Variants in MYOF observed in about 807,000 individuals in gnomAD.
MYOF encodes the protein fer-1-like 3, myoferlin.
A neutral mutation model predicts 284.2 loss-of-function variants in MYOF; 244 were observed. The observed-to-expected ratio is 0.86, with a 90% CI of 0.77 to 0.95. MYOF has a LOEUF of 0.95. Among genes scored for constraint, MYOF ranks in the 40% least tolerant of loss-of-function variants. The pLI is 0.00. For synonymous variants in MYOF, 904 were observed against 919.7 expected, an observed-to-expected ratio of 0.98 and a Z score of 0.31; for missense variants, 2,496 against 2,560.6, an observed-to-expected ratio of 0.97 and a Z score of 0.54.
intron 20 of MYOF, among the ~76,000 whole-genome samples, 160 bp downstream of exon 20, chr10:93,381,059 G>A (rs893795324): frequency 1.3e-5 from 2 of 152,264 alleles, no homozygotes; most frequent in Non-Finnish European, 2.9e-5. Context: ...TCTTTAAGGT[G>A]CCTGAACCCC....
intron 24 of MYOF, among the ~76,000 whole-genome samples, chr10:93,370,995 A>G (rs1845562871): frequency 6.6e-6 from 1 of 152,196 alleles, no homozygotes; most frequent in African/African-American, 2.4e-5. Context: ...ATCTGTAACA[A>G]TAAGTTTGAT....
intron 13 of MYOF, 31 bp downstream of exon 13, chr10:93,399,361 A>G (rs1847167811): frequency 1.4e-6 from 2 of 1,475,752 alleles, no homozygotes; most frequent in Admixed American, 1.7e-5. Context: ...ATTTATTACT[A>G]GCAGCATCTG....
intron 15 of MYOF, among the ~76,000 whole-genome samples, chr10:93,396,937 G>T (rs956242666): frequency 3.3e-5 from 5 of 152,124 alleles, no homozygotes; most frequent in African/African-American, 9.7e-5. Context: ...CCCAAGAAAT[G>T]CTTGACTGTA....
intron 37 of MYOF, 105 bp downstream of exon 37, chr10:93,347,512 A>G (rs969278527): frequency 2.5e-5 from 27 of 1,065,644 alleles, no homozygotes; most frequent in Non-Finnish European, 3.1e-5. Context: ...AGATTGCGCC[A>G]CTGCAGTCCG....
intron 37 of MYOF, among the ~76,000 whole-genome samples, chr10:93,346,375 G>C (rs1844184148): frequency 6.6e-6 from 1 of 152,236 alleles, no homozygotes; most frequent in South Asian, 2.1e-4. Context: ...ATCTGCTTCA[G>C]TCTTGAAGCC....
intron 4 of MYOF, 99 bp from the exon 5 acceptor site, chr10:93,426,257 G>T: frequency 1.6e-6 from 2 of 1,212,200 alleles, no homozygotes; most frequent in East Asian, 2.6e-5. Flanking sequence ...AGTCTTGGAA[G>T]GGGTAAGAGA....
At chr10:93,337,050 T>G (rs1843649457) in intron 40 of MYOF, among the ~76,000 whole-genome samples, 1 of 151,876 alleles carries the variant, frequency 6.6e-6, no homozygotes, top group South Asian at 2.1e-4. Context: ...CATTGGATCA[T>G]TTTTCTGAAT....
At chr10:93,329,915 C>G (rs1304206564) in intron 43 of MYOF, 81 bp from the exon 44 acceptor site, 4 of 1,452,746 alleles carry the variant, frequency 2.8e-6, no homozygotes, top group Non-Finnish European at 2.9e-6. Context: ...GCACAGAATT[C>G]CCAGGCTGTG....
chr10:93,318,725 T>A (rs1406777290), intron 49 of MYOF, among the ~76,000 whole-genome samples: 1 of 151,686 alleles, frequency 6.6e-6, no homozygotes, highest in African/African-American at 2.4e-5. Context: ...ACCATTGCAC[T>A]CCAGCCTGGG....
At chr10:93,425,404 C>T (rs1053399780) in intron 5 of MYOF, among the ~76,000 whole-genome samples, 11 of 152,034 alleles carry the variant, frequency 7.2e-5, no homozygotes, top group African/African-American at 1.7e-4. Flanking sequence ...AGAGGGGGTC[C>T]GACTCAGCTG....
chr10:93,461,514 C>T (rs2056882289), intron 1 of MYOF, among the ~76,000 whole-genome samples: 1 of 152,140 alleles, frequency 6.6e-6, no homozygotes, highest in Admixed American at 6.5e-5. Context: ...GCTGTGTGCA[C>T]AGAAGATGCA....
intron 29 of MYOF, among the ~76,000 whole-genome samples, 190 bp from the exon 30 acceptor site, chr10:93,357,038 G>A (rs1024464544): frequency 2.0e-5 from 3 of 152,344 alleles, no homozygotes; most frequent in Middle Eastern, 3.4e-3. Context: ...AGAGCTGATG[G>A]ACTGCAGGAG....
intron 3 of MYOF, among the ~76,000 whole-genome samples, chr10:93,449,232 G>A (rs150943920): frequency 6.6e-6 from 1 of 152,226 alleles, no homozygotes; most frequent in Non-Finnish European, 1.5e-5. Context: ...TTGATTACAT[G>A]TTGAAATAAC....
At chr10:93,405,376 GTC>G in intron 7 of MYOF, among the ~76,000 whole-genome samples, 1 of 152,210 alleles carries the variant, frequency 6.6e-6, no homozygotes, top group East Asian at 1.9e-4. Flanking sequence ...TCGTTTTTGA[GTC>G]TCTTCAGCTT....
Position 93,409,556 on chromosome 10 carries a change from C to G in MYOF, c.600+17G>C, listed in dbSNP as rs760184866. ...ATAAAGATTAAACAAAGAAGCAGAACGCCAGGCCGTTGCTACCTGGAAGTC... is the reference window on the plus strand; with the variant it reads ...ATAAAGATTAAACAAAGAAGCAGAAGGCCAGGCCGTTGCTACCTGGAAGTC... On this transcript the variant is annotated intron_variant, in intron 6 of 53. Coordinates refer to ENST00000359263, the MANE Select transcript of MYOF (RefSeq NM_013451.4). 3 of 1,609,542 alleles carry G rather than the reference C, an allele frequency of 1.9e-6. No individual in the cohort carries two copies. Among genetic ancestry groups the G allele is most frequent in the East Asian group, 4.5e-5 (2 of 44,810 alleles).
At chr10:93,323,473 A>T in intron 46 of MYOF, 115 bp from the exon 47 acceptor site, 1 of 931,536 alleles carries the variant, frequency 1.1e-6, no homozygotes, top group Admixed American at 2.8e-5. Context: ...TCTCTAATTT[A>T]TTAGTCCACA....
At chr10:93,346,446 AG>A (rs1844187281) in intron 37 of MYOF, among the ~76,000 whole-genome samples, 1 of 152,280 alleles carries the variant, frequency 6.6e-6, no homozygotes, top group African/African-American at 2.4e-5. Flanking sequence ...TTATGAGGCC[AG>A]GGGCCCTGGG....
intron 9 of MYOF, 25 bp from the exon 10 acceptor site, chr10:93,402,915 G>T: frequency 6.3e-7 from 1 of 1,595,730 alleles, no homozygotes; most frequent in Non-Finnish European, 8.6e-7. Context: ...ATCGAAAGTA[G>T]TCTAAGTAGA....
intron 5 of MYOF, among the ~76,000 whole-genome samples, chr10:93,424,419 G>T (rs914612981): frequency 2.0e-5 from 3 of 152,154 alleles, no homozygotes; most frequent in Non-Finnish European, 2.9e-5. Flanking sequence ...TGTTACTGGT[G>T]CTGGCCTGTG....
Sources: allele counts gnomAD v4.1 joint callset (sites outside exome capture counted in the v4.1 genomes callset), GRCh38; gene constraint gnomAD v4.1.1; transcripts MANE v1.5; gene names NCBI Gene and HGNC (gene_info 2026-07-23, HGNC 2026-07-21).